Variants in ASAP1 observed in about 807,000 individuals in gnomAD.
ASAP1 encodes the protein ArfGAP with SH3 domain, ankyrin repeat and PH domain 1.
ASAP1 carries 43 observed loss-of-function variants against 145.2 expected under a neutral mutation model. The observed-to-expected ratio is 0.30, with a 90% CI of 0.23 to 0.38. The LOEUF is 0.38. ASAP1 is among the 10% of genes least tolerant of loss of function. ASAP1 has a pLI of 1.00. For synonymous variants in ASAP1, 546 were observed against 515.5 expected (o/e 1.06, Z -0.80); for missense variants, 1,018 against 1,355.3 (o/e 0.75, Z 3.91).
chr8:130,185,808 C>T (rs182248033), intron 7 of ASAP1, among the ~76,000 whole-genome samples: 6 of 148,062 alleles, frequency 4.1e-5, no homozygotes, highest in Admixed American at 2.0e-4. Flanking sequence ...GTGAGAAGTA[C>T]AAGGAAGAGC....
intron 3 of ASAP1, among the ~76,000 whole-genome samples, chr8:130,290,785 C>T (rs1821898063): frequency 6.6e-6 from 1 of 152,212 alleles, no homozygotes; most frequent in South Asian, 2.1e-4. Context: ...ACTCCTCCTT[C>T]CTCTCCTCAT....
At chr8:130,199,227 C>T (rs1199312847) in intron 5 of ASAP1, among the ~76,000 whole-genome samples, 1 of 152,226 alleles carries the variant, frequency 6.6e-6, no homozygotes, top group Non-Finnish European at 1.5e-5. Flanking sequence ...GCTATGACTG[C>T]TTTGCCCACC....
At chr8:130,292,902 G>A (rs938038504) in intron 3 of ASAP1, among the ~76,000 whole-genome samples, 2 of 152,158 alleles carry the variant, frequency 1.3e-5, no homozygotes, top group African/African-American at 4.8e-5. Flanking sequence ...CAGAGAAAAG[G>A]ATCTATATAA....
At chr8:130,068,304 C>T (rs1220707477) in intron 27 of ASAP1, among the ~76,000 whole-genome samples, 1 of 152,146 alleles carries the variant, frequency 6.6e-6, no homozygotes, top group Non-Finnish European at 1.5e-5. Flanking sequence ...GAGCTTAGTC[C>T]ACTAGCCTTA....
chr8:130,375,007 G>A (rs1321229572), intron 2 of ASAP1, among the ~76,000 whole-genome samples: 2 of 152,176 alleles, frequency 1.3e-5, no homozygotes, highest in Admixed American at 1.3e-4. Context: ...TGGGATCTTA[G>A]CCTAACTGGA....
At position 130,167,629 on chromosome 8, in the gene ASAP1, A is replaced by G. The variant is rs1196583286; in HGVS notation, c.823-7T>C. 1 of 1,566,444 alleles carries G rather than the reference A, an allele frequency of 6.4e-7. No homozygotes were observed. Among genetic ancestry groups the G allele is most frequent in the African/African-American group, 1.7e-5 (1 of 60,572 alleles). On this transcript the variant is annotated splice_polypyrimidine_tract_variant and splice_region_variant and intron_variant, in intron 10 of 29. Transcript: ENST00000518721. Reference sequence around the variant, plus strand: ...CATCCTGGGTCTGTTTTATCTATGAAAAAAAAATTACTTCTATTACTTACC... The same window carrying G: ...CATCCTGGGTCTGTTTTATCTATGAGAAAAAAATTACTTCTATTACTTACC...
intron 3 of ASAP1, among the ~76,000 whole-genome samples, chr8:130,285,430 GATCTT>G (rs1163351672): frequency 6.6e-6 from 1 of 152,054 alleles, no homozygotes; most frequent in Non-Finnish European, 1.5e-5. Context: ...AAAACAAAAT[GATCTT>G]ATCACTAGAA....
At chr8:130,382,065 T>C (rs1827794415) in intron 2 of ASAP1, among the ~76,000 whole-genome samples, 2 of 152,022 alleles carry the variant, frequency 1.3e-5, no homozygotes, top group Non-Finnish European at 2.9e-5. Flanking sequence ...GGCGGGCAGA[T>C]CACGAGGTCA....
chr8:130,109,548 G>A (rs969102642), intron 24 of ASAP1, among the ~76,000 whole-genome samples: 3 of 152,000 alleles, frequency 2.0e-5, no homozygotes, highest in Non-Finnish European at 4.4e-5. Flanking sequence ...TGCAAATAGA[G>A]ACCTCTGCTT....
intron 12 of ASAP1, among the ~76,000 whole-genome samples, chr8:130,158,547 T>C (rs1249270018): frequency 6.6e-6 from 1 of 151,988 alleles, no homozygotes; most frequent in Non-Finnish European, 1.5e-5. Context: ...TTAAAGGGAA[T>C]AATGAAGATT....
intron 3 of ASAP1, among the ~76,000 whole-genome samples, chr8:130,286,653 C>A (rs1821632071): frequency 6.6e-6 from 1 of 152,106 alleles, no homozygotes; most frequent in South Asian, 2.1e-4. Context: ...GCCTGGTGCA[C>A]AGGAAGTACC....
chr8:130,189,015 G>C lies in ASAP1; in HGVS notation c.406-832C>G, dbSNP rs184828427. ...CTGTGTTTGGATTTTTTTTTGCTCA[G>C]ATTTATCTTTTAATTTTTAGTTTTT... On this transcript the variant is annotated intron_variant, in intron 5 of 29. Transcript: ENST00000518721. 7.9e-5 allele frequency among the ~76,000 whole-genome samples: 12 copies of C among 151,642 alleles called. No individual in the cohort carries two copies. In the South Asian group the frequency reaches 2.1e-3, roughly 26 times the overall value.
intron 5 of ASAP1, among the ~76,000 whole-genome samples, chr8:130,210,013 A>T (rs1816481221): frequency 6.6e-6 from 1 of 152,208 alleles, no homozygotes; most frequent in South Asian, 2.1e-4. Context: ...GTTCATTTGC[A>T]TGGTTTCAGA....
rs1240900524 is a variant in ASAP1, at chr8:130,358,585, C to G, written c.60-442G>C. The stretch of plus-strand genomic sequence containing the variant: ...ACGCGCTGACAGGCGGCGGCGCGGG[C>G]CTGACTGACTGAGCGCACACTCCCG... On this transcript the variant is annotated intron_variant, in intron 2 of 29. Coordinates refer to ENST00000518721, the MANE Select transcript of ASAP1 (RefSeq NM_018482.4). This position sits in a 1 kb window ranked among gnomAD's most constrained non-coding sequence, Gnocchi z 4.1. Among the ~76,000 whole-genome samples the G allele has an allele frequency of 1.4e-5, 2 of 147,398 alleles. No homozygotes were observed. Among genetic ancestry groups the G allele is most frequent in the African/African-American group, 2.4e-5 (1 of 40,896 alleles).
intron 3 of ASAP1, among the ~76,000 whole-genome samples, chr8:130,338,501 C>T (rs184548333): frequency 9.8e-4 from 149 of 152,336 alleles, no homozygotes; most frequent in Middle Eastern, 3.4e-3. Flanking sequence ...AGAACATTAT[C>T]CTGACTACTC....
At chr8:130,080,661 C>T (rs759365711) in intron 25 of ASAP1, among the ~76,000 whole-genome samples, 1 of 151,494 alleles carries the variant, frequency 6.6e-6, no homozygotes, top group Non-Finnish European at 1.5e-5. Context: ...GAGATGGAGT[C>T]TCACTCTGTT....
chr8:130,093,686 A>AAAAAAAAAAAAAAAAAAAAAAAAG lies in ASAP1; in HGVS notation c.2402-1544_2402-1543insCTTTTTTTTTTTTTTTTTTTTTTT, dbSNP rs767063471. ...CGTCTCAAAAAAAAAAAAAAAAAAAAAAAGAAAGCTAAGAACACTGCCACA... is the reference window on the plus strand; with the variant it reads ...CGTCTCAAAAAAAAAAAAAAAAAAAAAAAAAAAAAAAAAAAAAAAAAAAGAAAGAAAGCTAAGAACACTGCCACA... On this transcript the variant is annotated intron_variant, in intron 24 of 29. Coordinates refer to ENST00000518721, the MANE Select transcript of ASAP1 (RefSeq NM_018482.4). Among the ~76,000 whole-genome samples the AAAAAAAAAAAAAAAAAAAAAAAAG allele has an allele frequency of 1.5e-4, 20 of 131,986 alleles. 1 individual carries two copies. Among genetic ancestry groups the AAAAAAAAAAAAAAAAAAAAAAAAG allele is most frequent in the African/African-American group, 6.2e-4 (19 of 30,552 alleles). The allele number at this position is 131,986 out of a possible 152,430, so 86.6% of individuals were successfully genotyped here. A position where few individuals can be genotyped will look rare whatever the true frequency, so the allele number is the denominator to read the frequency against.
intron 3 of ASAP1, chr8:130,340,797 A>G (rs1182820505): frequency 4.9e-6 from 2 of 406,384 alleles, no homozygotes; most frequent in Non-Finnish European, 9.8e-6. Flanking sequence ...AAATTTACAT[A>G]AAGAACTTAG....
intron 1 of ASAP1, among the ~76,000 whole-genome samples, chr8:130,438,528 C>T (rs1022261905): frequency 1.6e-4 from 24 of 152,216 alleles, no homozygotes; most frequent in African/African-American, 5.1e-4. Context: ...TGGGGGCAGA[C>T]TCTGAAGTCA....
Sources: allele counts gnomAD v4.1 joint callset (sites outside exome capture counted in the v4.1 genomes callset), GRCh38; gene constraint gnomAD v4.1.1; non-coding constraint Gnocchi (gnomAD v3.1); transcripts MANE v1.5; gene names NCBI Gene and HGNC (gene_info 2026-07-23, HGNC 2026-07-21).